CDYL2: variants seen among roughly 807,000 people sequenced by gnomAD.
CDYL2 encodes the protein chromodomain Y-like protein 2.
CDYL2 carries 23 observed loss-of-function variants against 49.4 expected under a neutral mutation model. The ratio of observed to expected loss-of-function variants is 0.47; its 90% CI spans 0.34 to 0.66. The LOEUF is 0.66. Ranked by LOEUF, CDYL2 falls within the 30% of genes least tolerant of loss-of-function variation. The probability of loss-of-function intolerance (pLI) is 0.01; values close to 1 mark genes in which losing one functional copy is unlikely to be tolerated. For missense variants in CDYL2, 678 were observed against 656.4 expected (o/e 1.03, Z -0.36); for synonymous variants, 360 against 268.8 (o/e 1.34, Z -3.32).
chr16:80,681,383 G>C (rs895058224), intron 2 of CDYL2, among the ~76,000 whole-genome samples: 116 of 152,226 alleles, frequency 7.6e-4, no homozygotes, highest in African/African-American at 2.6e-3. Context: ...GACATTCAGG[G>C]CTACGTGGGC....
intron 1 of CDYL2, among the ~76,000 whole-genome samples, chr16:80,724,138 TAAAAA>T (rs945281162): frequency 8.8e-6 from 1 of 113,958 alleles, no homozygotes; most frequent in African/African-American, 3.5e-5. Context: ...AAAGAGGAGA[TAAAAA>T]AGAAGAGAAA....
At chr16:80,795,340 C>A (rs945846393) in intron 1 of CDYL2, among the ~76,000 whole-genome samples, 1 of 152,136 alleles carries the variant, frequency 6.6e-6, no homozygotes, top group African/African-American at 2.4e-5. Context: ...GATGGAATGA[C>A]TGGAGTCAAG....
At chr16:80,715,562 C>G (rs544290774) in intron 1 of CDYL2, among the ~76,000 whole-genome samples, 2 of 152,270 alleles carry the variant, frequency 1.3e-5, no homozygotes, top group Admixed American at 6.5e-5. Flanking sequence ...AAAGGAAAAT[C>G]TCTGCACCCC....
At chr16:80,750,361 T>A (rs1434975228) in intron 1 of CDYL2, among the ~76,000 whole-genome samples, 3 of 126,006 alleles carry the variant, frequency 2.4e-5, no homozygotes, top group Admixed American at 7.7e-5. Context: ...ACAAAATAAT[T>A]AACAGAAATA....
intron 1 of CDYL2, among the ~76,000 whole-genome samples, chr16:80,762,404 A>G (rs1430948508): frequency 6.6e-6 from 1 of 152,210 alleles, no homozygotes; most frequent in Admixed American, 6.5e-5. Context: ...AAAGAGCAGA[A>G]TATGACTACA....
intron 3 of CDYL2, among the ~76,000 whole-genome samples, chr16:80,628,715 T>A (rs1266349691): frequency 6.6e-6 from 1 of 152,248 alleles, no homozygotes; most frequent in Non-Finnish European, 1.5e-5. Flanking sequence ...TAAAATAGCA[T>A]ACTTACCATC....
chr16:80,687,972 T>G (rs1295512912), intron 1 of CDYL2, among the ~76,000 whole-genome samples: 2 of 152,116 alleles, frequency 1.3e-5, no homozygotes, highest in East Asian at 3.9e-4. Flanking sequence ...AACAGTCAAC[T>G]CCTCCATGGG....
At chr16:80,699,387 T>C (rs560161289) in intron 1 of CDYL2, among the ~76,000 whole-genome samples, 2 of 152,326 alleles carry the variant, frequency 1.3e-5, no homozygotes, top group East Asian at 1.9e-4. Flanking sequence ...CTGCTGGACA[T>C]TGTGTTAAGT....
chr16:80,710,200 T>A (rs1904548400), intron 1 of CDYL2, among the ~76,000 whole-genome samples: 1 of 152,206 alleles, frequency 6.6e-6, no homozygotes, highest in African/African-American at 2.4e-5. Context: ...GCACTGGGAT[T>A]ACAGGTGTGA....
rs148767038 is a variant in CDYL2, at chr16:80,653,663, C to A, written c.617-20427G>T. On this transcript the variant is annotated intron_variant, in intron 2 of 6. Coordinates refer to ENST00000570137, the MANE Select transcript of CDYL2 (RefSeq NM_152342.4). The stretch of plus-strand genomic sequence containing the variant: ...AGCACATCATGGAGAATGGGGTCTC[C>A]AATTCCTCAAGCATGTATTCTTTGA... Among the ~76,000 whole-genome samples, 352 of 152,216 alleles carry A rather than the reference C, an allele frequency of 2.3e-3. 2 individuals carry two copies. The highest frequency in any genetic ancestry group is 8.1e-3 in the African/African-American group (336 of 41,522).
chr16:80,785,773 C>G (rs1393677114), intron 1 of CDYL2, among the ~76,000 whole-genome samples: 1 of 152,078 alleles, frequency 6.6e-6, no homozygotes, highest in Admixed American at 6.5e-5. Flanking sequence ...AGATATAGAC[C>G]AATGGAACAG....
intron 1 of CDYL2, among the ~76,000 whole-genome samples, chr16:80,688,373 C>T (rs921401526): frequency 2.6e-5 from 4 of 152,122 alleles, no homozygotes; most frequent in African/African-American, 9.7e-5. Flanking sequence ...GGGCATGTCA[C>T]CCCACCTCTC....
intron 1 of CDYL2, among the ~76,000 whole-genome samples, chr16:80,692,732 T>C (rs999442933): frequency 2.0e-5 from 3 of 152,204 alleles, no homozygotes; most frequent in Admixed American, 2.0e-4. Context: ...CAAGTTAAGA[T>C]AATGAGTATA....
At chr16:80,776,470 G>C (rs1351922298) in intron 1 of CDYL2, among the ~76,000 whole-genome samples, 1 of 151,810 alleles carries the variant, frequency 6.6e-6, no homozygotes, top group African/African-American at 2.4e-5. Context: ...TAATATCAAA[G>C]CATGAAACAA....
intron 2 of CDYL2, among the ~76,000 whole-genome samples, chr16:80,673,276 T>C (rs1436877937): frequency 6.6e-6 from 1 of 152,010 alleles, no homozygotes; most frequent in Admixed American, 6.6e-5. Context: ...GCCAAGATCA[T>C]GCCATTGCAC....
At chr16:80,691,812 A>G (rs1186559426) in intron 1 of CDYL2, among the ~76,000 whole-genome samples, 1 of 152,324 alleles carries the variant, frequency 6.6e-6, no homozygotes, top group African/African-American at 2.4e-5. Context: ...AATGAAACCA[A>G]CAGGTTGAGA....
intron 1 of CDYL2, among the ~76,000 whole-genome samples, chr16:80,802,815 G>T (rs944701528): frequency 6.6e-6 from 1 of 152,228 alleles, no homozygotes; most frequent in Non-Finnish European, 1.5e-5. Context: ...GCCCACGAGG[G>T]CCTAGAGGAA....
intron 1 of CDYL2, among the ~76,000 whole-genome samples, chr16:80,782,017 G>T (rs1453816398): frequency 6.6e-6 from 1 of 151,578 alleles, no homozygotes; most frequent in Non-Finnish European, 1.5e-5. Context: ...TAAACCAAAA[G>T]CTTGTAGAAA....
At chr16:80,695,131 T>C (rs1910569152) in intron 1 of CDYL2, among the ~76,000 whole-genome samples, 1 of 152,260 alleles carries the variant, frequency 6.6e-6, no homozygotes, top group South Asian at 2.1e-4. Context: ...CAGATGTTTG[T>C]TTTTGGAAGT....
Sources: gnomAD v4.1 joint callset for allele counts (sites outside exome capture counted in the v4.1 genomes callset) on GRCh38, gnomAD v4.1.1 for gene constraint, MANE v1.5 for transcripts, NCBI Gene and HGNC (gene_info 2026-07-23, HGNC 2026-07-21) for gene names.